MBD5: variants seen among roughly 807,000 people sequenced by gnomAD.
MBD5 encodes methyl-CpG-binding domain protein 5.
MBD5 carries 13 observed loss-of-function variants against 117.3 expected under a neutral mutation model. The observed-to-expected ratio is 0.11, with a 90% confidence interval of 0.07 to 0.18. The LOEUF is 0.18. Among genes scored for constraint, MBD5 ranks in the 10% least tolerant of loss-of-function variants. The pLI, the probability that MBD5 is intolerant of heterozygous loss-of-function variation, is 1.00. For synonymous variants in MBD5, 727 were observed against 766.4 expected (o/e 0.95, Z 0.85); for missense variants, 1,879 against 2,093.8 (o/e 0.90, Z 2.00).
At chr2:148,424,213 A>C (rs1164572000) in intron 4 of MBD5, among the ~76,000 whole-genome samples, 4 of 144,296 alleles carry the variant, frequency 2.8e-5, no homozygotes, top group Admixed American at 7.0e-5. Flanking sequence ...AAAAAAAAAA[A>C]AAACAGCAGA....
At chr2:148,138,365 A>G (rs149427979) in intron 1 of MBD5, among the ~76,000 whole-genome samples, 31 of 152,358 alleles carry the variant, frequency 2.0e-4, no homozygotes, top group African/African-American at 7.0e-4. Context: ...CAGCCTAGCC[A>G]TAGATTTCAG....
chr2:148,220,198 TAAAAG>T (rs1699651548), intron 2 of MBD5, among the ~76,000 whole-genome samples: 1 of 152,260 alleles, frequency 6.6e-6, no homozygotes, highest in South Asian at 2.1e-4. Context: ...CAATGAGCCT[TAAAAG>T]AAGAGATAAT....
intron 4 of MBD5, among the ~76,000 whole-genome samples, chr2:148,437,092 C>T (rs1706176620): frequency 6.6e-6 from 1 of 151,954 alleles, no homozygotes; most frequent in Admixed American, 6.6e-5. Context: ...AAGCGATTCT[C>T]CTGCCTCAGC....
Position 148,035,822 on chromosome 2 carries a change from C to T in MBD5, c.-925+14138C>T, listed in dbSNP as rs1694180618. On this transcript the variant is annotated intron_variant, in intron 1 of 13. Coordinates refer to ENST00000642680, the MANE Select transcript of MBD5 (RefSeq NM_001378120.1). ...TAAAATGGGCCTAGTCAGTTGTGTC[C>T]ACCTCAGGGTTATTTAGTGAGTTTA... Among the ~76,000 whole-genome samples, 4 of 152,048 alleles carry T rather than the reference C, an allele frequency of 2.6e-5. No homozygotes were observed. In the South Asian group the frequency reaches 8.3e-4, roughly 31 times the overall value.
chr2:148,293,462 C>T (rs1438930851), intron 3 of MBD5, among the ~76,000 whole-genome samples: 1 of 152,134 alleles, frequency 6.6e-6, no homozygotes, highest in Non-Finnish European at 1.5e-5. Context: ...GTGTTTATTT[C>T]ACATTGCATG....
At position 148,490,174 on chromosome 2, in the gene MBD5, G is replaced by A. The variant is rs1559099427; in HGVS notation, c.4542G>A (p.Glu1514=). 1.2e-6 allele frequency: 2 copies of A among 1,614,104 alleles called. No homozygotes were observed. Among genetic ancestry groups the A allele is most frequent in the South Asian group, 1.1e-5 (1 of 91,070 alleles). The change falls in exon 11 of 14, where the codon GAG becomes GAA. Residue 1514 remains glutamate (E), a synonymous_variant. Transcript: ENST00000642680. ...RTMMSFKERL[E]NTVERCAHIN... is the part of the protein sequence containing the mutation. ...TGATGAGTTTTAAGGAGAGACTAGA[G>A]AACACTGTGGAAAGATGTGCACACA...
chr2:148,370,673 G>T (rs751517466), intron 4 of MBD5, among the ~76,000 whole-genome samples: 1 of 152,062 alleles, frequency 6.6e-6, no homozygotes, highest in Non-Finnish European at 1.5e-5. Context: ...ATTTTTAGTA[G>T]AGACAGGGTT....
intron 4 of MBD5, among the ~76,000 whole-genome samples, chr2:148,404,229 G>C (rs1361656445): frequency 1.3e-5 from 2 of 151,068 alleles, no homozygotes; most frequent in Non-Finnish European, 2.9e-5. Flanking sequence ...AAAAACATTT[G>C]ATCTTTTTAG....
chr2:148,316,248 C>G (rs978375596), intron 3 of MBD5, among the ~76,000 whole-genome samples: 2 of 152,120 alleles, frequency 1.3e-5, no homozygotes, highest in African/African-American at 4.8e-5. Flanking sequence ...ATCACAACAC[C>G]TGCTTTTCCT....
intron 2 of MBD5, among the ~76,000 whole-genome samples, chr2:148,216,625 C>T (rs1043867496): frequency 6.6e-6 from 1 of 152,072 alleles, no homozygotes; most frequent in African/African-American, 2.4e-5. Flanking sequence ...ATTTTTTTAA[C>T]AATTATATTC....
intron 1 of MBD5, among the ~76,000 whole-genome samples, chr2:148,092,629 C>T (rs1001280812): frequency 3.9e-5 from 6 of 151,910 alleles, no homozygotes; most frequent in African/African-American, 1.5e-4. Flanking sequence ...AATGCAAATG[C>T]ATAAGAATAA....
At chr2:148,316,934 A>G (rs1391081249) in intron 3 of MBD5, among the ~76,000 whole-genome samples, 1 of 152,188 alleles carries the variant, frequency 6.6e-6, no homozygotes, top group Non-Finnish European at 1.5e-5. Flanking sequence ...TGAGGTTTTA[A>G]AAGCATTTAG....
intron 1 of MBD5, chr2:148,071,542 A>T (rs978624669): frequency 2.6e-5 from 4 of 152,190 alleles, no homozygotes; most frequent in Non-Finnish European, 5.9e-5. Flanking sequence ...TCATTAAATT[A>T]TAGACTTTGG....
chr2:148,128,683 T>C (rs888800397), intron 1 of MBD5, among the ~76,000 whole-genome samples: 1 of 152,224 alleles, frequency 6.6e-6, no homozygotes, highest in Non-Finnish European at 1.5e-5. Context: ...ACATGTACAA[T>C]ATATGCCTTA....
At chr2:148,293,590 T>A (rs1701554900) in intron 3 of MBD5, among the ~76,000 whole-genome samples, 1 of 152,224 alleles carries the variant, frequency 6.6e-6, no homozygotes, top group Non-Finnish European at 1.5e-5. Flanking sequence ...TCTATCTTAG[T>A]CTTTCCCAAT....
At chr2:148,258,849 C>T (rs770778172) in intron 3 of MBD5, among the ~76,000 whole-genome samples, 1 of 152,194 alleles carries the variant, frequency 6.6e-6, no homozygotes, top group African/African-American at 2.4e-5. Context: ...GGCATCTTCC[C>T]CTTCTTTAAG....
intron 1 of MBD5, chr2:148,028,143 G>A (rs115338189): frequency 1.2e-3 from 178 of 152,126 alleles, no homozygotes; most frequent in African/African-American, 4.1e-3. Context: ...CCTTATTTCA[G>A]TTGACCTATA....
At position 148,483,867 on chromosome 2, in the gene MBD5, T is replaced by C; in HGVS notation, c.3276T>C (p.Gly1092=). The change falls in exon 9 of 14, where the codon GGT becomes GGC. Residue 1092 remains glycine (G), a synonymous_variant. Transcript: ENST00000642680. ...LMTLNPQLLG[G]VLNSASANTA... ...CCTTGAATCCCCAGCTGTTGGGAGG[T>C]GTCCTGAACTCGGCATCGGCCAACA... 1 of 1,550,416 alleles carries C rather than the reference T, an allele frequency of 6.4e-7. No individual in the cohort carries two copies. The highest frequency in any genetic ancestry group is 8.7e-7 in the Non-Finnish European group (1 of 1,146,960).
At chr2:148,352,581 A>ATTTT (rs1358854938) in intron 4 of MBD5, among the ~76,000 whole-genome samples, 76 of 152,132 alleles carry the variant, frequency 5.0e-4, no homozygotes, top group African/African-American at 1.7e-3. Flanking sequence ...CCATTCCTAT[A>ATTTT]ATGTCATTTG....
Sources: gnomAD v4.1 joint callset for allele counts (sites outside exome capture counted in the v4.1 genomes callset) on GRCh38, gnomAD v4.1.1 for gene constraint, MANE v1.5 for transcripts, NCBI Gene and HGNC (gene_info 2026-07-23, HGNC 2026-07-21) for gene names.